The following TRIM37 variants were observed in gnomAD, a reference collection of about 807,000 sequenced individuals.
TRIM37 encodes tripartite motif containing 37.
In TRIM37, 80 loss-of-function variants were observed where a neutral mutation model predicts 129.8. The observed-to-expected ratio is 0.62, with a 90% CI of 0.51 to 0.74. TRIM37 has a LOEUF of 0.74. TRIM37 is among the 30% of genes least tolerant of loss of function. TRIM37 has a pLI of 0.00. For missense variants in TRIM37, 1,054 were observed against 1,176.5 expected, an observed-to-expected ratio of 0.90 and a Z score of 1.52; for synonymous variants, 389 against 387.1, an observed-to-expected ratio of 1.00 and a Z score of -0.06.
In TRIM37 at chr17:59,106,648, C is replaced by T; in HGVS notation, c.-187G>A. Reference sequence around the variant, plus strand: ...TCCAGCGCCGCCTACCCCCATTTCGCCATTTTTACCGGCGCGCCCGCCCCG... The same window carrying T: ...TCCAGCGCCGCCTACCCCCATTTCGTCATTTTTACCGGCGCGCCCGCCCCG... On this transcript the variant is annotated 5_prime_UTR_variant, in exon 1 of 24. Transcript: ENST00000262294. 1.5e-6 allele frequency: 1 copy of T among 679,588 alleles called. No individual in the cohort carries two copies. The highest frequency in any genetic ancestry group is 2.5e-6 in the Non-Finnish European group (1 of 396,104). The allele number at this position is 679,588 out of a possible 1,614,324, so 42.1% of individuals were successfully genotyped here. A position where few individuals can be genotyped will look rare whatever the true frequency, so the allele number is the denominator to read the frequency against.
chr17:59,033,047 A>G (rs2038063007), intron 17 of TRIM37, among the ~76,000 whole-genome samples: 1 of 152,206 alleles, frequency 6.6e-6, no homozygotes, highest in Non-Finnish European at 1.5e-5. Context: ...AGTATAATGC[A>G]TAACAAATAC....
At chr17:59,018,694 A>C (rs978572173) in intron 19 of TRIM37, among the ~76,000 whole-genome samples, 3 of 152,118 alleles carry the variant, frequency 2.0e-5, no homozygotes, top group African/African-American at 7.2e-5. Context: ...TACCGATTCA[A>C]CACAATTTCT....
rs76685416 is a variant in TRIM37, at chr17:59,045,915, C to T, written c.1667+1768G>A. Among the ~76,000 whole-genome samples, 140 of 151,998 alleles carry T rather than the reference C, an allele frequency of 9.2e-4. 2 individuals are homozygous for T. The East Asian group carries it at 0.026, about 28-fold the overall frequency. Reference sequence around the variant, plus strand: ...CCTGTAATCCTTGCTACTCGGGAGGCTGAGGTGGAAGGATCACTTGAACCC... The same window carrying T: ...CCTGTAATCCTTGCTACTCGGGAGGTTGAGGTGGAAGGATCACTTGAACCC... On this transcript the variant is annotated intron_variant, in intron 16 of 23. Coordinates refer to ENST00000262294, the MANE Select transcript of TRIM37 (RefSeq NM_015294.6).
intron 5 of TRIM37, among the ~76,000 whole-genome samples, chr17:59,083,078 T>C (rs887236677): frequency 2.0e-5 from 3 of 152,182 alleles, no homozygotes; most frequent in African/African-American, 7.2e-5. Context: ...CCTAAGAATC[T>C]ATTGTGTTTA....
chr17:59,012,498 C>A, intron 21 of TRIM37, 52 bp from the exon 22 acceptor site: 1 of 1,252,272 alleles, frequency 8.0e-7, no homozygotes, highest in Non-Finnish European at 1.2e-6. Flanking sequence ...ACACAATAAT[C>A]TATATTTTCT....
rs776554148 is a variant in TRIM37, at chr17:59,062,533, G to A, written c.942+34C>T. The A allele has an allele frequency of 1.2e-5, 19 of 1,557,656 alleles. No homozygotes were observed. The South Asian group carries it at 1.8e-4, about 15-fold the overall frequency. On this transcript the variant is annotated intron_variant, in intron 11 of 23. Transcript: ENST00000262294. ...ACAGAACTCTGAAAGAAAGACCTTG[G>A]TTTCAAAATTTATTAGAAATATGAA...
At chr17:59,100,295 C>T (rs1457949126) in intron 2 of TRIM37, among the ~76,000 whole-genome samples, 2 of 152,178 alleles carry the variant, frequency 1.3e-5, no homozygotes, top group African/African-American at 2.4e-5. Flanking sequence ...TTCTTGTACA[C>T]GAATGTTCGC....
At chr17:59,003,928 A>C (rs1257637868) in intron 22 of TRIM37, among the ~76,000 whole-genome samples, 2 of 150,832 alleles carry the variant, frequency 1.3e-5, no homozygotes, top group African/African-American at 4.9e-5. Flanking sequence ...TCTATAAAAA[A>C]AAAAAAAAAA....
At chr17:59,085,851 T>C (rs998563552) in intron 4 of TRIM37, among the ~76,000 whole-genome samples, 1 of 152,146 alleles carries the variant, frequency 6.6e-6, no homozygotes. Flanking sequence ...CAATATAATA[T>C]TATTAACCCT....
intron 10 of TRIM37, 108 bp from the exon 11 acceptor site, chr17:59,062,756 G>T: frequency 1.1e-6 from 1 of 870,272 alleles, no homozygotes; most frequent in Non-Finnish European, 1.9e-6. Flanking sequence ...TGAAATCCTA[G>T]ACAAATAACA....
chr17:59,100,097 C>T (rs1284309384), intron 2 of TRIM37, among the ~76,000 whole-genome samples: 1 of 152,072 alleles, frequency 6.6e-6, no homozygotes. Context: ...TCCCTCTCCT[C>T]CTCTCCCTCT....
At chr17:58,969,731 T>C in the TRIM37 span, 1 of 1,613,614 alleles carries the variant, frequency 6.2e-7, no homozygotes, top group Non-Finnish European at 8.5e-7. Context: ...CAGGGAGGTA[T>C]GCCCCTTTCT....
At chr17:59,003,732 A>T (rs761143630) in intron 22 of TRIM37, among the ~76,000 whole-genome samples, 2 of 151,808 alleles carry the variant, frequency 1.3e-5, no homozygotes, top group Non-Finnish European at 2.9e-5. Context: ...GACAACCAAC[A>T]AACATCAATG....
intron 17 of TRIM37, among the ~76,000 whole-genome samples, chr17:59,039,697 T>G: frequency 6.6e-6 from 1 of 151,998 alleles, no homozygotes; most frequent in East Asian, 1.9e-4. Flanking sequence ...AATTGGTAGA[T>G]CTTGTGATTC....
At chr17:58,986,820 T>C (rs572140067) in intron 24 of TRIM37, among the ~76,000 whole-genome samples, 5 of 152,332 alleles carry the variant, frequency 3.3e-5, no homozygotes, top group African/African-American at 1.2e-4. Flanking sequence ...CCATCTGTCA[T>C]CTTAACAGCA....
At chr17:59,031,173 C>G (rs974474068) in intron 18 of TRIM37, among the ~76,000 whole-genome samples, 1 of 152,064 alleles carries the variant, frequency 6.6e-6, no homozygotes, top group Non-Finnish European at 1.5e-5. Context: ...GTTATCTTGC[C>G]TTAAAACTAC....
At chr17:58,971,681 A>G in the TRIM37 span, among the ~76,000 whole-genome samples, 2 of 152,218 alleles carry the variant, frequency 1.3e-5, no homozygotes, top group African/African-American at 2.4e-5. Context: ...ATATCATTTT[A>G]TACAGCTAGG....
rs192751818 is a variant in TRIM37, at chr17:59,016,992, C to G, written c.2386+304G>C. On this transcript the variant is annotated intron_variant, in intron 20 of 23. Transcript: ENST00000262294. Reference sequence around the variant, plus strand: ...GGAGTTTAAGACCAGCCTGGGCAACCTGTCTCTACAAAAAATACAAAAATT... The same window carrying G: ...GGAGTTTAAGACCAGCCTGGGCAACGTGTCTCTACAAAAAATACAAAAATT... Among the ~76,000 whole-genome samples, 160 of 151,858 alleles carry G rather than the reference C, an allele frequency of 1.1e-3. 1 individual carries two copies. Among genetic ancestry groups the G allele is most frequent in the African/African-American group, 3.6e-3 (150 of 41,430 alleles).
chr17:59,076,127 C>A (rs1793527204), intron 7 of TRIM37, among the ~76,000 whole-genome samples: 1 of 151,930 alleles, frequency 6.6e-6, no homozygotes, highest in African/African-American at 2.4e-5. Context: ...CAAAGTGGGC[C>A]AGATTTTTAG....
Sources: gnomAD v4.1 joint callset for allele counts (sites outside exome capture counted in the v4.1 genomes callset) on GRCh38, gnomAD v4.1.1 for gene constraint, MANE v1.5 for transcripts, NCBI Gene and HGNC (gene_info 2026-07-23, HGNC 2026-07-21) for gene names.